Variants in CERS6 observed in about 807,000 individuals in gnomAD.
CERS6 encodes LAG1 homolog, ceramide synthase 6.
CERS6 carries 26 observed loss-of-function variants against 56.8 expected under a neutral mutation model. The observed-to-expected ratio is 0.46, with a 90% CI of 0.34 to 0.63. The LOEUF is 0.63. CERS6 is among the 30% of genes least tolerant of loss of function. The pLI is 0.01. For missense variants in CERS6, 415 were observed against 467.5 expected (o/e 0.89, Z 1.04); for synonymous variants, 164 against 173.3 (o/e 0.95, Z 0.42).
chr2:168,514,676 T>C (rs1174053125), intron 1 of CERS6, among the ~76,000 whole-genome samples: 1 of 152,232 alleles, frequency 6.6e-6, no homozygotes, highest in Non-Finnish European at 1.5e-5. Context: ...GGGTTAGACA[T>C]ACTTCTTTGG....
chr2:168,538,589 C>G (rs980648436), intron 1 of CERS6, among the ~76,000 whole-genome samples: 1 of 152,162 alleles, frequency 6.6e-6, no homozygotes, highest in Admixed American at 6.5e-5. Flanking sequence ...ATTTTTCTCT[C>G]TAGCACTTCT....
intron 1 of CERS6, among the ~76,000 whole-genome samples, chr2:168,475,232 G>C (rs1271449429): frequency 6.6e-6 from 1 of 151,950 alleles, no homozygotes; most frequent in Non-Finnish European, 1.5e-5. Context: ...CTAAAAAAAA[G>C]TGCCACGAAC....
intron 3 of CERS6, among the ~76,000 whole-genome samples, chr2:168,613,529 A>G (rs1178662762): frequency 6.6e-6 from 1 of 152,248 alleles, no homozygotes; most frequent in Non-Finnish European, 1.5e-5. Flanking sequence ...GGATCAAGAT[A>G]CAAGACTTAA....
At chr2:168,755,356 A>T (rs1684386057) in intron 8 of CERS6, among the ~76,000 whole-genome samples, 1 of 152,198 alleles carries the variant, frequency 6.6e-6, no homozygotes, top group African/African-American at 2.4e-5. Context: ...TGGACTAGTT[A>T]GGAACATATT....
chr2:168,559,912 C>G (rs1695757529), intron 2 of CERS6, among the ~76,000 whole-genome samples: 1 of 151,258 alleles, frequency 6.6e-6, no homozygotes, highest in South Asian at 2.1e-4. Flanking sequence ...GGTCACGTGG[C>G]TTAGTTTTGT....
chr2:168,556,610 G>A (rs1010223220), intron 2 of CERS6, among the ~76,000 whole-genome samples: 1 of 152,086 alleles, frequency 6.6e-6, no homozygotes, highest in Non-Finnish European at 1.5e-5. Context: ...TATTGCTATT[G>A]TGAAGAATTA....
chr2:168,637,780 A>G (rs1251754842), intron 4 of CERS6, among the ~76,000 whole-genome samples: 1 of 152,196 alleles, frequency 6.6e-6, no homozygotes, highest in African/African-American at 2.4e-5. Context: ...TATGTGTTTT[A>G]CTGTGGTAGT....
chr2:168,504,782 C>T (rs1163224184), intron 1 of CERS6, among the ~76,000 whole-genome samples: 2 of 152,034 alleles, frequency 1.3e-5, no homozygotes, highest in South Asian at 2.1e-4. Context: ...CTATGAATCC[C>T]TTGGAGAGGA....
intron 1 of CERS6, among the ~76,000 whole-genome samples, chr2:168,538,799 G>A (rs1232613363): frequency 1.3e-5 from 2 of 152,176 alleles, no homozygotes; most frequent in Non-Finnish European, 2.9e-5. Flanking sequence ...ATAATTGTGC[G>A]TGAAAATCTT....
At chr2:168,586,221 A>C (rs1343566304) in intron 3 of CERS6, among the ~76,000 whole-genome samples, 16 of 152,002 alleles carry the variant, frequency 1.1e-4, no homozygotes, top group Non-Finnish European at 2.2e-4. Context: ...TTTAAAAAAA[A>C]AAAAAAGGAA....
At chr2:168,555,463 AAGT>A (rs1193917874) in intron 2 of CERS6, among the ~76,000 whole-genome samples, 3 of 152,138 alleles carry the variant, frequency 2.0e-5, no homozygotes, top group African/African-American at 7.2e-5. Flanking sequence ...AGAAGGAAGA[AAGT>A]AGTAACGATA....
At chr2:168,565,967 T>C (rs927332789) in intron 3 of CERS6, among the ~76,000 whole-genome samples, 3 of 152,196 alleles carry the variant, frequency 2.0e-5, no homozygotes, top group African/African-American at 7.2e-5. Flanking sequence ...CATCCTTCTC[T>C]GACAATTGCA....
chr2:168,584,452 A>G lies in CERS6; in HGVS notation c.407+23130A>G, dbSNP rs537978158. Reference sequence around the variant, plus strand: ...AGAGAAAGACAGACATAATGCTGTCATGATTAGTAAGCCATGACCAAACTG... The same window carrying G: ...AGAGAAAGACAGACATAATGCTGTCGTGATTAGTAAGCCATGACCAAACTG... On this transcript the variant is annotated intron_variant, in intron 3 of 9. Transcript: ENST00000305747. 1.1e-4 allele frequency among the ~76,000 whole-genome samples: 17 copies of G among 152,354 alleles called. No homozygotes were observed. In the South Asian group the frequency reaches 3.5e-3, roughly 32 times the overall value.
At chr2:168,622,826 CCTGT>C (rs1684505069) in intron 3 of CERS6, among the ~76,000 whole-genome samples, 1 of 152,190 alleles carries the variant, frequency 6.6e-6, no homozygotes, top group African/African-American at 2.4e-5. Context: ...GTCTGCATAA[CCTGT>C]CTAACGGATG....
At chr2:168,718,298 G>A (rs1289478947) in intron 8 of CERS6, among the ~76,000 whole-genome samples, 1 of 152,142 alleles carries the variant, frequency 6.6e-6, no homozygotes, top group East Asian at 1.9e-4. Context: ...AAGAAACCGT[G>A]GTGTTGCAAA....
In CERS6 at chr2:168,621,741, T is replaced by TA. The variant is rs574656832; in HGVS notation, c.408-9238dup. ...TTAATGGAGCCTATGACCAAAGCAC[T>TA]AAAAAACAAAATCAAAGTTAAATCT... is the stretch of plus-strand genomic sequence containing the variant. On this transcript the variant is annotated intron_variant, in intron 3 of 9. Transcript: ENST00000305747. Among the ~76,000 whole-genome samples, 32 of 152,170 alleles carry TA rather than the reference T, an allele frequency of 2.1e-4. No homozygotes were observed. The South Asian group carries it at 5.4e-3, about 26-fold the overall frequency.
chr2:168,707,921 G>A (rs1040272630), intron 6 of CERS6, among the ~76,000 whole-genome samples: 1 of 152,114 alleles, frequency 6.6e-6, no homozygotes, highest in African/African-American at 2.4e-5. Flanking sequence ...ACAGGACAAA[G>A]CAGCAAATTA....
intron 5 of CERS6, among the ~76,000 whole-genome samples, chr2:168,694,137 A>G (rs1449515197): frequency 6.6e-6 from 1 of 152,178 alleles, no homozygotes; most frequent in Non-Finnish European, 1.5e-5. Flanking sequence ...TTTCATTACA[A>G]CTCAATATAA....
chr2:168,658,093 G>C (rs948555838), intron 4 of CERS6, among the ~76,000 whole-genome samples: 1 of 152,228 alleles, frequency 6.6e-6, no homozygotes, highest in Non-Finnish European at 1.5e-5. Context: ...GATGTGTGAC[G>C]TGTTGCAAAT....
Sources: allele counts gnomAD v4.1 joint callset (sites outside exome capture counted in the v4.1 genomes callset), GRCh38; gene constraint gnomAD v4.1.1; transcripts MANE v1.5; gene names NCBI Gene and HGNC (gene_info 2026-07-23, HGNC 2026-07-21).